TRIP13: variants seen among roughly 807,000 people sequenced by gnomAD.
The protein encoded by TRIP13 is thyroid hormone receptor interactor 13, also known as pachytene checkpoint protein 2 homolog.
In TRIP13, 25 loss-of-function variants were observed where a neutral mutation model predicts 54.4. The observed-to-expected ratio is 0.46, with a 90% CI of 0.33 to 0.64. The LOEUF (loss-of-function observed/expected upper bound fraction) is 0.64, where lower values mean the gene tolerates loss of function less well. TRIP13 is among the 30% of genes least tolerant of loss of function. TRIP13 has a pLI of 0.02. For missense variants in TRIP13, 373 were observed against 534.2 expected (o/e 0.70, Z 2.97); for synonymous variants, 207 against 207.8 (o/e 1.00, Z 0.03).
chr5:914,216 T>A (rs1296870729), intron 10 of TRIP13, among the ~76,000 whole-genome samples: 1 of 152,210 alleles, frequency 6.6e-6, no homozygotes, highest in Non-Finnish European at 1.5e-5. Flanking sequence ...GAGGCTATGT[T>A]GCTACTGGTT....
At chr5:900,100 A>G (rs1314510068) in intron 3 of TRIP13, among the ~76,000 whole-genome samples, 1 of 152,282 alleles carries the variant, frequency 6.6e-6, no homozygotes, top group African/African-American at 2.4e-5. Flanking sequence ...TTCACCACCA[A>G]AAAATGATAG....
At chr5:909,751 C>T (rs527534725) in intron 9 of TRIP13, among the ~76,000 whole-genome samples, 2 of 152,224 alleles carry the variant, frequency 1.3e-5, no homozygotes, top group Admixed American at 6.5e-5. Flanking sequence ...AAAAGTATCC[C>T]TTACGGGAAA....
chr5:904,325 C>A, intron 6 of TRIP13, 105 bp downstream of exon 6: 1 of 912,644 alleles, frequency 1.1e-6, no homozygotes, highest in Non-Finnish European at 1.6e-6. Flanking sequence ...ATAGATTCCT[C>A]TCCACTGTAA....
rs1406654425 is a variant in TRIP13, at chr5:908,276, C to T, written c.760-79C>T. 4.6e-6 allele frequency: 7 copies of T among 1,523,978 alleles called. No homozygotes were observed. The highest frequency in any genetic ancestry group is 6.3e-6 in the Non-Finnish European group (7 of 1,109,676). 94.4% of individuals were successfully genotyped at this position (1,523,978 alleles called of 1,614,324 possible). On this transcript the variant is annotated intron_variant, in intron 8 of 12. Coordinates refer to ENST00000166345, the MANE Select transcript of TRIP13 (RefSeq NM_004237.4). The surrounding 1 kb of genome is among the most constrained non-coding windows in gnomAD (Gnocchi z 5.2). ...CCCATTCATTCATCTTTTTCACGTG[C>T]TCAGCGGGACGTATCCCCATAGCTG...
intron 9 of TRIP13, among the ~76,000 whole-genome samples, chr5:909,415 G>A (rs920149449): frequency 2.0e-5 from 3 of 152,164 alleles, no homozygotes; most frequent in African/African-American, 7.2e-5. Flanking sequence ...TGAGTGTGGG[G>A]TGACAGCAGA....
At chr5:896,385 G>T (rs903620988) in intron 2 of TRIP13, among the ~76,000 whole-genome samples, 9 of 152,144 alleles carry the variant, frequency 5.9e-5, no homozygotes, top group African/African-American at 1.7e-4. Context: ...CCATCTGTGT[G>T]AGTGTATTTA....
intron 12 of TRIP13, among the ~76,000 whole-genome samples, chr5:916,191 C>T (rs1421568660): frequency 6.6e-6 from 1 of 152,246 alleles, no homozygotes; most frequent in East Asian, 1.9e-4. Context: ...CCTCTGCTCA[C>T]ACGCATGCAT....
At chr5:919,010 A>T (rs1170089957), downstream of TRIP13, 1 of 152,224 alleles carries the variant, frequency 6.6e-6, no homozygotes, top group Non-Finnish European at 1.5e-5. Context: ...CTCAGTATTA[A>T]CCATCACAGG....
chr5:900,479 T>C lies in TRIP13; in HGVS notation c.389-15T>C, dbSNP rs1028314476. The C allele has an allele frequency of 6.2e-7, 1 of 1,613,286 alleles. No homozygotes were observed. The highest frequency in any genetic ancestry group is 1.3e-5 in the African/African-American group (1 of 74,880). On this transcript the variant is annotated splice_polypyrimidine_tract_variant and intron_variant, in intron 3 of 12. Transcript: ENST00000166345. ...TGCCTTCCTGAAATCAGGTCTTTGT[T>C]TAATTCTGTCACAGCTGAATTCCAT...
rs181487203 is a variant in TRIP13, at chr5:917,090, C to T, written c.1286C>T (p.Ala429Val). Residue 429 changes from alanine (A) to valine (V), a missense_variant, in exon 13 of 13, where the codon GCA (alanine) becomes GTA (valine). Around this residue, in one of 4 missense-constraint regions of TRIP13, gnomAD observed 101 missense variants for 138.5 expected, o/e 0.73. Transcript: ENST00000166345. ...DKQFEERKKLAAYI is the reference protein window; with the variant it reads ...DKQFEERKKLVAYI ...CAGTTTGAAGAGAGAAAGAAGCTTGCAGCTTACATCTGATCCTGGGCTTCC... is the reference window on the plus strand; with the variant it reads ...CAGTTTGAAGAGAGAAAGAAGCTTGTAGCTTACATCTGATCCTGGGCTTCC... The T allele has an allele frequency of 2.2e-5, 36 of 1,613,972 alleles. No individual in the cohort carries two copies. Among genetic ancestry groups the T allele is most frequent in the Non-Finnish European group, 2.6e-5 (31 of 1,179,952 alleles).
Position 908,550 on chromosome 5 carries a change from A to G in TRIP13, c.866+89A>G. ...TGATACTTGTGCAACCCTAGATCTT[A>G]GTGCCCAGCTCTTTCACCGGAAAGT... On this transcript the variant is annotated intron_variant, in intron 9 of 12. Transcript: ENST00000166345. This position sits in a 1 kb window ranked among gnomAD's most constrained non-coding sequence, Gnocchi z 5.2. The G allele has an allele frequency of 6.4e-7, 1 of 1,568,494 alleles. No homozygotes were observed. The highest frequency in any genetic ancestry group is 8.6e-7 in the Non-Finnish European group (1 of 1,156,152).
chr5:905,548 T>G (rs564087880), intron 6 of TRIP13, among the ~76,000 whole-genome samples: 1 of 152,178 alleles, frequency 6.6e-6, no homozygotes, highest in Non-Finnish European at 1.5e-5. Flanking sequence ...TTGGGCTCCC[T>G]CCCGTGCCTG....
In TRIP13 at chr5:911,561, ACT is replaced by A. The variant is rs57034142; in HGVS notation, c.867-279_867-278del. ...ACTCCAGCCTGGGCGAAAGAGCGAG[ACT>A]CTGTCTCAAAAAAAAAAAAAAAGGA... On this transcript the variant is annotated intron_variant, in intron 9 of 12. Transcript: ENST00000166345. The surrounding 1 kb of genome is among the most constrained non-coding windows in gnomAD (Gnocchi z 4.7). Among the ~76,000 whole-genome samples the A allele has an allele frequency of 0.034, 5,019 of 148,920 alleles. 122 individuals are homozygous for A. The highest frequency in any genetic ancestry group is 0.049 in the Non-Finnish European group (3,272 of 67,192).
intron 4 of TRIP13, 49 bp downstream of exon 4, chr5:900,598 C>T (rs866027673): frequency 6.3e-7 from 1 of 1,596,350 alleles, no homozygotes; most frequent in Middle Eastern, 1.7e-4. Context: ...TGAAGAGGAA[C>T]CATTACTGTT....
chr5:893,956 AC>A (rs962909582), intron 1 of TRIP13, among the ~76,000 whole-genome samples: 2 of 152,106 alleles, frequency 1.3e-5, no homozygotes, highest in Non-Finnish European at 2.9e-5. Context: ...CCCATGTACA[AC>A]CACACCTGGG....
chr5:909,641 C>T (rs11951468), intron 9 of TRIP13, among the ~76,000 whole-genome samples: 1,617 of 152,324 alleles, frequency 0.011, 32 homozygotes, highest in African/African-American at 0.037. Flanking sequence ...GTAGGGGTCG[C>T]ACAGCCTTCA....
At chr5:910,751 C>T (rs1754214021) in intron 9 of TRIP13, among the ~76,000 whole-genome samples, 2 of 152,206 alleles carry the variant, frequency 1.3e-5, no homozygotes, top group Admixed American at 1.3e-4. Context: ...ATTGTCAGCC[C>T]CTGGGTCGTG....
chr5:907,862 TGA>T lies in TRIP13; in HGVS notation c.673-124_673-123del. On this transcript the variant is annotated intron_variant, in intron 7 of 12. Coordinates refer to ENST00000166345, the MANE Select transcript of TRIP13 (RefSeq NM_004237.4). The surrounding 1 kb of genome is among the most constrained non-coding windows in gnomAD (Gnocchi z 4.1). The stretch of plus-strand genomic sequence containing the variant: ...AGCTTCTCTGATTTAGGGAGCTTTC[TGA>T]GGGGCCGTCAGGAGACAGTGGGCTT... 1.1e-6 allele frequency: 1 copy of T among 896,536 alleles called. No homozygotes were observed. Among genetic ancestry groups the T allele is most frequent in the South Asian group, 1.5e-5 (1 of 66,890 alleles). The allele number at this position is 896,536 out of a possible 1,614,324, so 55.5% of individuals were successfully genotyped here. A position where few individuals can be genotyped will look rare whatever the true frequency, so the allele number is the denominator to read the frequency against.
In TRIP13 at chr5:905,394, G is replaced by T. The variant is rs565963763; in HGVS notation, c.608+1174G>T. Among the ~76,000 whole-genome samples, 27 of 152,254 alleles carry T rather than the reference G, an allele frequency of 1.8e-4. No homozygotes were observed. In the South Asian group the frequency reaches 5.4e-3, roughly 30 times the overall value. ...AGTATTCATCCAGGACATCGGGGGCGCCATGAGGATCCTGGGCACTCCTTC... is the reference window on the plus strand; with the variant it reads ...AGTATTCATCCAGGACATCGGGGGCTCCATGAGGATCCTGGGCACTCCTTC... On this transcript the variant is annotated intron_variant, in intron 6 of 12. Transcript: ENST00000166345.
Sources: gnomAD v4.1 joint callset for allele counts (sites outside exome capture counted in the v4.1 genomes callset) on GRCh38, gnomAD v4.1.1 for gene constraint, gnomAD v4.1.1 regional missense constraint, Gnocchi (gnomAD v3.1) non-coding constraint, MANE v1.5 for transcripts, NCBI Gene and HGNC (gene_info 2026-07-23, HGNC 2026-07-21) for gene names.